Variants in BMPER observed in about 807,000 individuals in gnomAD.
The protein encoded by BMPER is BMP binding endothelial regulator, also known as BMP-binding endothelial regulator protein.
A neutral mutation model predicts 87.3 loss-of-function variants in BMPER; 45 were observed. The ratio of observed to expected loss-of-function variants is 0.52; its 90% confidence interval spans 0.41 to 0.66. The LOEUF is 0.66. Ranked by LOEUF, BMPER falls within the 30% of genes least tolerant of loss-of-function variation. BMPER has a pLI of 0.00. For synonymous variants in BMPER, 326 were observed against 316.2 expected, an observed-to-expected ratio of 1.03 and a Z score of -0.33; for missense variants, 784 against 867.5, an observed-to-expected ratio of 0.90 and a Z score of 1.21.
intron 2 of BMPER, among the ~76,000 whole-genome samples, chr7:33,919,262 A>G (rs1784159944): frequency 1.3e-5 from 2 of 152,204 alleles, no homozygotes; most frequent in African/African-American, 4.8e-5. Flanking sequence ...TATGTGGTTC[A>G]ACCTAATGTA....
chr7:34,017,191 G>A (rs142509635), intron 6 of BMPER, among the ~76,000 whole-genome samples: 2 of 151,980 alleles, frequency 1.3e-5, no homozygotes, highest in African/African-American at 4.8e-5. Flanking sequence ...GTAGGTGTGT[G>A]GTGGCTTTCA....
At chr7:34,059,759 A>G (rs914941330) in intron 10 of BMPER, among the ~76,000 whole-genome samples, 9 of 151,254 alleles carry the variant, frequency 6.0e-5, no homozygotes, top group African/African-American at 7.3e-5. Context: ...AAAAAAAAAA[A>G]AGAGATAGAG....
rs763619553 is a variant in BMPER at position 33,937,320 on chromosome 7, G to A, written c.251G>A (p.Cys84Tyr). ...GAAGTGACATGTAAGAGAGAGAAGT[G>A]CCCCGTGCTGTCCCGAGACTGTGCC... Reference protein sequence around the residue: ...NKEVTCKREKCPVLSRDCALA... With the variant: ...NKEVTCKREKYPVLSRDCALA... The change falls in exon 3 of 15, where the codon TGC becomes TAC. Residue 84 changes from cysteine (C) to tyrosine (Y), a missense_variant. Cys to Tyr is a radical substitution (Grantham distance 194, BLOSUM62 -2). Coordinates refer to ENST00000649409, the MANE Select transcript of BMPER (RefSeq NM_001365308.1). The A allele has an allele frequency of 1.2e-6, 2 of 1,614,188 alleles. No individual in the cohort carries two copies. Among genetic ancestry groups the A allele is most frequent in the Non-Finnish European group, 1.7e-6 (2 of 1,180,014 alleles).
At chr7:33,952,377 A>G (rs1196179497) in intron 3 of BMPER, among the ~76,000 whole-genome samples, 1 of 152,166 alleles carries the variant, frequency 6.6e-6, no homozygotes, top group Non-Finnish European at 1.5e-5. Context: ...AGTGATGCTT[A>G]TCATCTCAAA....
chr7:34,086,322 G>A (rs543104572), intron 13 of BMPER, among the ~76,000 whole-genome samples: 2 of 152,306 alleles, frequency 1.3e-5, no homozygotes, highest in Admixed American at 1.3e-4. Context: ...GCAATTCCAT[G>A]CTTTTATAGG....
At chr7:34,019,410 A>G (rs939863256) in intron 6 of BMPER, among the ~76,000 whole-genome samples, 1 of 151,986 alleles carries the variant, frequency 6.6e-6, no homozygotes, top group Non-Finnish European at 1.5e-5. Context: ...CTCAGATTTT[A>G]CTTCTGGGAA....
intron 6 of BMPER, among the ~76,000 whole-genome samples, chr7:34,021,044 G>A (rs1787173812): frequency 6.6e-6 from 1 of 151,944 alleles, no homozygotes; most frequent in Non-Finnish European, 1.5e-5. Flanking sequence ...GAGATGCTTC[G>A]CAAACCTTGA....
At chr7:34,016,252 T>C (rs1380660695) in intron 6 of BMPER, among the ~76,000 whole-genome samples, 6 of 151,918 alleles carry the variant, frequency 3.9e-5, no homozygotes, top group Admixed American at 3.9e-4. Context: ...AGCTCAAAGA[T>C]CCTTTGATCC....
chr7:33,978,476 T>C (rs977249027), intron 6 of BMPER, among the ~76,000 whole-genome samples: 1 of 152,296 alleles, frequency 6.6e-6, no homozygotes, highest in East Asian at 1.9e-4. Flanking sequence ...CAGTGTAAAA[T>C]TCATACCTCA....
intron 13 of BMPER, among the ~76,000 whole-genome samples, chr7:34,113,628 AATAAG>A (rs1790038531): frequency 7.6e-6 from 1 of 130,992 alleles, no homozygotes; most frequent in Non-Finnish European, 1.7e-5. Flanking sequence ...GCTTAATAAT[AATAAG>A]TTTAAAAAAT....
chr7:33,923,551 G>T (rs970682483), intron 2 of BMPER, among the ~76,000 whole-genome samples: 3 of 152,162 alleles, frequency 2.0e-5, no homozygotes, highest in African/African-American at 7.2e-5. Flanking sequence ...AGTAGTCTAG[G>T]CAGCCTCTCC....
At chr7:33,916,809 G>C (rs548946274) in intron 2 of BMPER, among the ~76,000 whole-genome samples, 29 of 152,292 alleles carry the variant, frequency 1.9e-4, no homozygotes, top group Admixed American at 3.3e-4. Flanking sequence ...GGACTTGAGT[G>C]GGAGTTAGAC....
chr7:34,066,345 A>G (rs1562721253), intron 11 of BMPER, among the ~76,000 whole-genome samples: 1 of 152,246 alleles, frequency 6.6e-6, no homozygotes, highest in Non-Finnish European at 1.5e-5. Flanking sequence ...TCCTCTTAAA[A>G]TCAGACCTGA....
chr7:33,938,393 G>C (rs116721526), intron 3 of BMPER, among the ~76,000 whole-genome samples: 1,837 of 152,272 alleles, frequency 0.012, 37 homozygotes, highest in African/African-American at 0.041. Flanking sequence ...TGCTGAATTT[G>C]GGTGGCCCCA....
upstream of BMPER, chr7:33,905,495 C>T (rs994999697): frequency 3.4e-6 from 5 of 1,453,950 alleles, no homozygotes; most frequent in Non-Finnish European, 4.6e-6. Flanking sequence ...CCGCCTCCCT[C>T]CTTCGCGGAC....
intron 3 of BMPER, among the ~76,000 whole-genome samples, chr7:33,948,315 C>G (rs909502918): frequency 6.6e-6 from 1 of 152,182 alleles, no homozygotes; most frequent in African/African-American, 2.4e-5. Flanking sequence ...AGACAATCCT[C>G]CAATCTTAGG....
chr7:34,034,576 G>T (rs988736775), intron 6 of BMPER, among the ~76,000 whole-genome samples: 1 of 152,208 alleles, frequency 6.6e-6, no homozygotes, highest in Non-Finnish European at 1.5e-5. Flanking sequence ...TGACAAAGCA[G>T]TATGGAAGTC....
chr7:34,013,295 C>T (rs548959246), intron 6 of BMPER, among the ~76,000 whole-genome samples: 72 of 151,648 alleles, frequency 4.7e-4, no homozygotes, highest in African/African-American at 1.7e-3. Context: ...CTGTCCTGTC[C>T]CCCACTCACT....
At chr7:34,143,054 G>T in intron 13 of BMPER, among the ~76,000 whole-genome samples, 176 bp from the exon 14 acceptor site, 1 of 152,152 alleles carries the variant, frequency 6.6e-6, no homozygotes, top group East Asian at 1.9e-4. Context: ...ACTGTTCAAA[G>T]GTATCCAGCA....
Sources: allele counts gnomAD v4.1 joint callset (sites outside exome capture counted in the v4.1 genomes callset), GRCh38; gene constraint gnomAD v4.1.1; transcripts MANE v1.5; gene names NCBI Gene and HGNC (gene_info 2026-07-23, HGNC 2026-07-21).